The following SFMBT2 variants were observed in gnomAD, a reference collection of about 807,000 sequenced individuals.
The protein encoded by SFMBT2 is Scm like with four mbt domains 2, also known as scm-like with four MBT domains protein 2.
In SFMBT2, 38 loss-of-function variants were observed where a neutral mutation model predicts 110.1. That is an observed-to-expected ratio of 0.35 (90% CI 0.27 to 0.45). The LOEUF (loss-of-function observed/expected upper bound fraction) is 0.45, where lower values mean the gene tolerates loss of function less well. Ranked by LOEUF, SFMBT2 falls within the 20% of genes least tolerant of loss-of-function variation. SFMBT2 has a pLI of 1.00. For missense variants in SFMBT2, 1,011 were observed against 1,094.9 expected (o/e 0.92, Z 1.08); for synonymous variants, 425 against 425.4 (o/e 1.00, Z 0.01).
At chr10:7,379,120 C>G in intron 2 of SFMBT2, among the ~76,000 whole-genome samples, 1 of 152,068 alleles carries the variant, frequency 6.6e-6, no homozygotes, top group East Asian at 1.9e-4. Flanking sequence ...TTTTCTGTGC[C>G]TGCCACACAG....
At chr10:7,342,921 A>G (rs1843976432) in intron 4 of SFMBT2, among the ~76,000 whole-genome samples, 1 of 152,056 alleles carries the variant, frequency 6.6e-6, no homozygotes, top group Non-Finnish European at 1.5e-5. Context: ...TTGTGGGGAG[A>G]AGGAGGAGAT....
chr10:7,323,816 T>A (rs1364604741), intron 4 of SFMBT2, among the ~76,000 whole-genome samples: 1 of 152,200 alleles, frequency 6.6e-6, no homozygotes, highest in Non-Finnish European at 1.5e-5. Context: ...TAAAAAGGTT[T>A]CTTTTTAACA....
intron 4 of SFMBT2, among the ~76,000 whole-genome samples, chr10:7,315,011 GAAAGA>G (rs1282898845): frequency 1.5e-5 from 2 of 134,400 alleles, no homozygotes; most frequent in East Asian, 2.2e-4. Flanking sequence ...AAGAAAGAAA[GAAAGA>G]AAAGAGAGAG....
intron 7 of SFMBT2, among the ~76,000 whole-genome samples, chr10:7,270,097 A>C (rs767871115): frequency 3.3e-5 from 5 of 152,180 alleles, no homozygotes; most frequent in African/African-American, 4.8e-5. Context: ...AGTTAAGACA[A>C]AGTTGGATGG....
chr10:7,182,544 A>G (rs914291008), intron 16 of SFMBT2, among the ~76,000 whole-genome samples: 1 of 152,158 alleles, frequency 6.6e-6, no homozygotes, highest in Admixed American at 6.5e-5. Flanking sequence ...GCCATAAAAA[A>G]TGATGAGTTC....
intron 7 of SFMBT2, among the ~76,000 whole-genome samples, chr10:7,251,293 GTGAAACCC>G (rs1282336921): frequency 6.6e-6 from 1 of 151,996 alleles, no homozygotes; most frequent in Non-Finnish European, 1.5e-5. Flanking sequence ...GGCCAATAAG[GTGAAACCC>G]TGTCTCTACT....
At chr10:7,329,291 C>T (rs1352105090) in intron 4 of SFMBT2, among the ~76,000 whole-genome samples, 1 of 152,158 alleles carries the variant, frequency 6.6e-6, no homozygotes, top group African/African-American at 2.4e-5. Flanking sequence ...TTACCCAAGG[C>T]TGGAAGCAGA....
intron 1 of SFMBT2, among the ~76,000 whole-genome samples, chr10:7,403,569 G>A (rs1177612953): frequency 6.6e-6 from 1 of 152,116 alleles, no homozygotes; most frequent in East Asian, 1.9e-4. Flanking sequence ...TTGAACCCAG[G>A]AGCCAGAGGT....
rs1191766109 is a variant in SFMBT2, at chr10:7,364,765, T to C, written c.436+2884A>G. Among the ~76,000 whole-genome samples, 6 of 152,216 alleles carry C rather than the reference T, an allele frequency of 3.9e-5. No individual in the cohort carries two copies. In the East Asian group the frequency reaches 1.2e-3, roughly 29 times the overall value. On this transcript the variant is annotated intron_variant, in intron 4 of 20. Coordinates refer to ENST00000397167, the MANE Select transcript of SFMBT2 (RefSeq NM_001387889.1). Reference sequence around the variant, plus strand: ...TGTGCCCCCTCTGTGTGCCCTTCTCTTGATGCCCCCAAGTGTGTACACGGC... The same window carrying C: ...TGTGCCCCCTCTGTGTGCCCTTCTCCTGATGCCCCCAAGTGTGTACACGGC...
intron 7 of SFMBT2, among the ~76,000 whole-genome samples, chr10:7,267,770 A>T (rs1841441653): frequency 6.6e-6 from 1 of 152,162 alleles, no homozygotes; most frequent in Admixed American, 6.5e-5. Flanking sequence ...TAAAGAACAC[A>T]AAAAAGTTCC....
intron 14 of SFMBT2, chr10:7,198,189 C>T (rs1209544854): frequency 1.0e-6 from 1 of 978,986 alleles, no homozygotes; most frequent in Middle Eastern, 5.3e-4. Context: ...GTTTGCTTAA[C>T]AAGAAGTTTC....
chr10:7,200,617 G>A (rs1342934957), intron 13 of SFMBT2, 133 bp from the exon 14 acceptor site: 9 of 628,370 alleles, frequency 1.4e-5, no homozygotes, highest in South Asian at 3.0e-5. Context: ...TAGAATGTGT[G>A]TATGGGAGCA....
At chr10:7,333,692 C>A (rs943529799) in intron 4 of SFMBT2, among the ~76,000 whole-genome samples, 1 of 151,788 alleles carries the variant, frequency 6.6e-6, no homozygotes, top group African/African-American at 2.4e-5. Context: ...TTCTCTCTCT[C>A]CCCCACTCCC....
chr10:7,266,874 C>T (rs554510011), intron 7 of SFMBT2, among the ~76,000 whole-genome samples: 5 of 152,276 alleles, frequency 3.3e-5, no homozygotes, highest in Admixed American at 2.0e-4. Flanking sequence ...GAGAAGGGTT[C>T]ACCTGGGAGG....
At chr10:7,230,945 TA>T (rs1242188623) in intron 9 of SFMBT2, among the ~76,000 whole-genome samples, 1 of 151,866 alleles carries the variant, frequency 6.6e-6, no homozygotes, top group Admixed American at 6.6e-5. Flanking sequence ...AAACACGAAA[TA>T]AAAATAAATA....
intron 2 of SFMBT2, among the ~76,000 whole-genome samples, chr10:7,379,965 G>A (rs1226533730): frequency 6.6e-6 from 1 of 152,142 alleles, no homozygotes; most frequent in Non-Finnish European, 1.5e-5. Flanking sequence ...GCAACCGTGT[G>A]CACATGAAAA....
chr10:7,300,984 A>G (rs1213395297), intron 4 of SFMBT2, among the ~76,000 whole-genome samples: 2 of 152,214 alleles, frequency 1.3e-5, no homozygotes, highest in Non-Finnish European at 2.9e-5. Context: ...TATTGGAGAG[A>G]AAATAAAGAT....
intron 4 of SFMBT2, among the ~76,000 whole-genome samples, chr10:7,297,143 A>G (rs1277652510): frequency 6.6e-6 from 1 of 152,242 alleles, no homozygotes; most frequent in Non-Finnish European, 1.5e-5. Flanking sequence ...AAAAAGAATA[A>G]AAACACTCCT....
chr10:7,384,646 G>A (rs757283577), intron 1 of SFMBT2, among the ~76,000 whole-genome samples: 1 of 152,184 alleles, frequency 6.6e-6, no homozygotes, highest in Admixed American at 6.5e-5. Context: ...AGCTGGAGGG[G>A]TTCTAAGATT....
Sources: allele counts gnomAD v4.1 joint callset (sites outside exome capture counted in the v4.1 genomes callset), GRCh38; gene constraint gnomAD v4.1.1; transcripts MANE v1.5; gene names NCBI Gene and HGNC (gene_info 2026-07-23, HGNC 2026-07-21).